The following ATP13A4 variants were observed in gnomAD, a reference collection of about 807,000 sequenced individuals.
ATP13A4 encodes probable cation-transporting ATPase 13A4.
In ATP13A4, 114 loss-of-function variants were observed where a neutral mutation model predicts 142.5. That is an observed-to-expected ratio of 0.80 (90% CI 0.69 to 0.93). The LOEUF is 0.93. ATP13A4 is among the 40% of genes least tolerant of loss of function. The pLI is 0.00. For synonymous variants in ATP13A4, 488 were observed against 514.8 expected, an observed-to-expected ratio of 0.95 and a Z score of 0.70; for missense variants, 1,392 against 1,454.0, an observed-to-expected ratio of 0.96 and a Z score of 0.69.
intron 25 of ATP13A4, among the ~76,000 whole-genome samples, chr3:193,427,646 A>C (rs954554151): frequency 2.6e-5 from 4 of 152,142 alleles, no homozygotes; most frequent in African/African-American, 9.7e-5. Flanking sequence ...CACATCTACA[A>C]CCATCTGATC....
chr3:193,511,058 C>T (rs1721115622), intron 2 of ATP13A4, among the ~76,000 whole-genome samples: 3 of 152,180 alleles, frequency 2.0e-5, no homozygotes, highest in Admixed American at 2.0e-4. Context: ...GAGTTCTTGT[C>T]TAATTACCTA....
At chr3:193,576,861 C>T (rs1724408377) in intron 2 of ATP13A4, among the ~76,000 whole-genome samples, 1 of 152,110 alleles carries the variant, frequency 6.6e-6, no homozygotes, top group African/African-American at 2.4e-5. Flanking sequence ...CTGGCACAGA[C>T]ACTGCTGGAA....
chr3:193,520,804 G>C (rs1721675188), intron 1 of ATP13A4, among the ~76,000 whole-genome samples: 2 of 152,216 alleles, frequency 1.3e-5, no homozygotes, highest in African/African-American at 4.8e-5. Flanking sequence ...GTGGTTACAG[G>C]AGTGGCCCTT....
At chr3:193,534,972 C>T (rs2108707727) in intron 1 of ATP13A4, among the ~76,000 whole-genome samples, 1 of 151,946 alleles carries the variant, frequency 6.6e-6, no homozygotes, top group Non-Finnish European at 1.5e-5. Flanking sequence ...ATGTTAAAAG[C>T]ACCCAAAGAG....
intron 17 of ATP13A4, among the ~76,000 whole-genome samples, chr3:193,453,374 T>C (rs1717395387): frequency 6.6e-6 from 1 of 152,140 alleles, no homozygotes; most frequent in Non-Finnish European, 1.5e-5. Flanking sequence ...AAAATGAGCC[T>C]AGATTAGCTC....
In ATP13A4 at chr3:193,509,334, G is replaced by A. The variant is rs76289943; in HGVS notation, c.234+5364C>T. 2.9e-3 allele frequency among the ~76,000 whole-genome samples: 446 copies of A among 152,190 alleles called. 15 individuals carry two copies. The East Asian group carries it at 0.077, about 26-fold the overall frequency. ...GGATTTTTACATTTATTTGTGTACC[G>A]ATCTGATTAACTCCATGAGGTCAAG... is the stretch of plus-strand genomic sequence containing the variant. On this transcript the variant is annotated intron_variant, in intron 2 of 29. Transcript: ENST00000342695.
chr3:193,554,549 G>C (rs754227159), intron 1 of ATP13A4, 191 bp downstream of exon 1: 14 of 686,732 alleles, frequency 2.0e-5, no homozygotes, highest in Non-Finnish European at 3.5e-5. Context: ...AATTTCTGCT[G>C]TCAGAGGTTA....
At chr3:193,488,445 C>A (rs1719762325) in intron 7 of ATP13A4, among the ~76,000 whole-genome samples, 2 of 151,790 alleles carry the variant, frequency 1.3e-5, no homozygotes, top group South Asian at 2.1e-4. Flanking sequence ...CGGGAGGGAG[C>A]CTTAATTTTT....
intron 1 of ATP13A4, among the ~76,000 whole-genome samples, chr3:193,520,311 C>T (rs868076482): frequency 3.3e-5 from 5 of 152,126 alleles, no homozygotes; most frequent in African/African-American, 1.2e-4. Context: ...TAAAATCAGT[C>T]CACTGAGGGG....
chr3:193,519,850 G>A (rs1451175984), intron 1 of ATP13A4, among the ~76,000 whole-genome samples: 1 of 151,582 alleles, frequency 6.6e-6, no homozygotes, highest in Admixed American at 6.6e-5. Flanking sequence ...TCACCATGTT[G>A]GCCAGGCTGG....
intron 8 of ATP13A4, among the ~76,000 whole-genome samples, chr3:193,482,263 G>A (rs890162629): frequency 2.9e-4 from 43 of 150,428 alleles, no homozygotes; most frequent in African/African-American, 8.3e-4. Flanking sequence ...ACCCTCAATC[G>A]AAAAAAAACA....
intron 14 of ATP13A4, 122 bp downstream of exon 14, chr3:193,458,959 A>C: frequency 1.3e-4 from 179 of 1,375,808 alleles, no homozygotes; most frequent in Non-Finnish European, 1.7e-4. Context: ...TTTGCCCTTC[A>C]CTACCAAATG....
At chr3:193,484,563 C>T (rs906806110) in intron 7 of ATP13A4, among the ~76,000 whole-genome samples, 3 of 152,060 alleles carry the variant, frequency 2.0e-5, no homozygotes, top group Non-Finnish European at 4.4e-5. Flanking sequence ...TTCATTTTGT[C>T]GTCCTGATTT....
intron 18 of ATP13A4, 127 bp from the exon 19 acceptor site, chr3:193,442,683 C>A: frequency 4.2e-6 from 4 of 953,908 alleles, no homozygotes; most frequent in Non-Finnish European, 6.5e-6. Context: ...TCTCTGATAT[C>A]TATTTCAGCC....
intron 1 of ATP13A4, among the ~76,000 whole-genome samples, chr3:193,524,155 G>T (rs912579451): frequency 2.6e-5 from 4 of 152,142 alleles, no homozygotes; most frequent in Non-Finnish European, 5.9e-5. Flanking sequence ...ATATGAAATG[G>T]ACTAAGACAA....
In ATP13A4 at chr3:193,467,418, T is replaced by C; in HGVS notation, c.1012A>G (p.Ser338Gly). ...ACATGCCGCTTGTAATCCGCTTCAC[T>C]CTGTGTTTTCCAGGGCACAGAGCTA... ...MDSSVPWKTQ[S>G]EADYKRHVLF... Residue 338 changes from serine (S) to glycine (G), a missense_variant, in exon 10 of 30, where the codon AGT becomes GGT. Physicochemically the swap from Ser to Gly is moderately conservative, Grantham distance 56. Coordinates refer to ENST00000342695, the MANE Select transcript of ATP13A4 (RefSeq NM_032279.4). 6.2e-7 allele frequency: 1 copy of C among 1,614,052 alleles called. No homozygotes were observed. The highest frequency in any genetic ancestry group is 8.5e-7 in the Non-Finnish European group (1 of 1,180,000).
chr3:193,578,219 G>A (rs1724448825), intron 2 of ATP13A4, among the ~76,000 whole-genome samples: 1 of 152,064 alleles, frequency 6.6e-6, no homozygotes, highest in African/African-American at 2.4e-5. Context: ...CTTGAACCGA[G>A]GAGACGGAGG....
chr3:193,552,579 G>A (rs1197028534), intron 1 of ATP13A4, among the ~76,000 whole-genome samples: 1 of 152,200 alleles, frequency 6.6e-6, no homozygotes, highest in African/African-American at 2.4e-5. Context: ...CAGAACAGAT[G>A]CTGGGGAATC....
chr3:193,513,861 C>T (rs545704368), intron 2 of ATP13A4, among the ~76,000 whole-genome samples: 1 of 152,324 alleles, frequency 6.6e-6, no homozygotes, highest in East Asian at 1.9e-4. Context: ...TTCTTTTCCT[C>T]AGGAGTCACT....
Sources: gnomAD v4.1 joint callset for allele counts (sites outside exome capture counted in the v4.1 genomes callset) on GRCh38, gnomAD v4.1.1 for gene constraint, MANE v1.5 for transcripts, NCBI Gene and HGNC (gene_info 2026-07-23, HGNC 2026-07-21) for gene names.